The following KCNQ1 variants were observed in gnomAD, a reference collection of about 807,000 sequenced individuals.
KCNQ1 encodes the protein potassium voltage-gated channel subfamily KQT member 1.
Under a neutral mutation model 72.4 loss-of-function variants are expected in KCNQ1, and 49 were observed. The ratio of observed to expected loss-of-function variants is 0.68; its 90% CI spans 0.54 to 0.86. The LOEUF (loss-of-function observed/expected upper bound fraction) is 0.86, where lower values mean the gene tolerates loss of function less well. Ranked by LOEUF, KCNQ1 falls within the 40% of genes least tolerant of loss-of-function variation. The pLI, the probability that KCNQ1 is intolerant of heterozygous loss-of-function variation, is 0.00. For synonymous variants in KCNQ1, 450 were observed against 412.6 expected, an observed-to-expected ratio of 1.09 and a Z score of -1.10; for missense variants, 790 against 945.1, an observed-to-expected ratio of 0.84 and a Z score of 2.15.
At chr11:2,631,624 G>C (rs1849354408) in intron 10 of KCNQ1, 1 of 398,388 alleles carries the variant, frequency 2.5e-6, no homozygotes, top group Admixed American at 4.4e-5. Context: ...TCAGGTGGGT[G>C]CTATGTTTCC....
chr11:2,665,620 G>C (rs753514623), intron 11 of KCNQ1: 1 of 397,300 alleles, frequency 2.5e-6, no homozygotes, highest in Middle Eastern at 6.3e-4. Context: ...TAGGCTGTAC[G>C]GCTGTGTCCT....
chr11:2,461,913 G>A, intron 1 of KCNQ1: 1 of 420,312 alleles, frequency 2.4e-6, no homozygotes. Context: ...GCTGCTTCCA[G>A]CACCCACTGG....
chr11:2,785,013 T>C lies in KCNQ1; in HGVS notation c.1794+6976T>C, dbSNP rs1846886053. Among the ~76,000 whole-genome samples, 1 of 152,028 alleles carries C rather than the reference T, an allele frequency of 6.6e-6. No individual in the cohort carries two copies. Among genetic ancestry groups the C allele is most frequent in the African/African-American group, 2.4e-5 (1 of 41,464 alleles). On this transcript the variant is annotated intron_variant, in intron 15 of 15. Transcript: ENST00000155840. The surrounding 1 kb of genome is among the most constrained non-coding windows in gnomAD (Gnocchi z 4.4). The stretch of plus-strand genomic sequence containing the variant: ...TTCTTTCCAGTCAGATGCCTTTAAT[T>C]TCTTTGTTTTGCCTAATTGCACTGG...
In KCNQ1 at chr11:2,712,336, A is replaced by G. The variant is rs1851020125; in HGVS notation, c.1514+50255A>G. On this transcript the variant is annotated intron_variant, in intron 11 of 15. Coordinates refer to ENST00000155840, the MANE Select transcript of KCNQ1 (RefSeq NM_000218.3). This position sits in a 1 kb window ranked among gnomAD's most constrained non-coding sequence, Gnocchi z 6.4. ...GACTCTAGCTGGGCAGCCTGGCCTC[A>G]GGAGATCATCACAACCCTCGCTGGG... is the stretch of plus-strand genomic sequence containing the variant. Among the ~76,000 whole-genome samples, 1 of 152,042 alleles carries G rather than the reference A, an allele frequency of 6.6e-6. No homozygotes were observed. The highest frequency in any genetic ancestry group is 2.4e-5 in the African/African-American group (1 of 41,404).
chr11:2,579,931 C>A lies in KCNQ1; in HGVS notation c.922-3504C>A, dbSNP rs1233951701. 6.6e-6 allele frequency among the ~76,000 whole-genome samples: 1 copy of A among 152,190 alleles called. No individual in the cohort carries two copies. The highest frequency in any genetic ancestry group is 1.5e-5 in the Non-Finnish European group (1 of 68,026). On this transcript the variant is annotated intron_variant, in intron 6 of 15. Transcript: ENST00000155840. This position sits in a 1 kb window ranked among gnomAD's most constrained non-coding sequence, Gnocchi z 6.0. The stretch of plus-strand genomic sequence containing the variant: ...ACCTCACCTGCTCACCTGACCCCAA[C>A]TCCACTCTGACTTCCAGGCCAGCCC...
In KCNQ1 at chr11:2,828,923, C is replaced by T. The variant is rs1259477853; in HGVS notation, c.1795-18844C>T. 6.6e-6 allele frequency among the ~76,000 whole-genome samples: 1 copy of T among 152,184 alleles called. No homozygotes were observed. The highest frequency in any genetic ancestry group is 2.1e-4 in the South Asian group (1 of 4,830). ...GAGAATAGAAAATCAAAACGGTATC[C>T]AATTTCTTAACAGCAATTCAGAAAG... is the stretch of plus-strand genomic sequence containing the variant. On this transcript the variant is annotated intron_variant, in intron 15 of 15. Coordinates refer to ENST00000155840, the MANE Select transcript of KCNQ1 (RefSeq NM_000218.3). This position sits in a 1 kb window ranked among gnomAD's most constrained non-coding sequence, Gnocchi z 5.3.
intron 1 of KCNQ1, among the ~76,000 whole-genome samples, chr11:2,449,931 T>C (rs937079125): frequency 1.7e-4 from 26 of 152,100 alleles, no homozygotes; most frequent in Admixed American, 1.3e-3. Context: ...GAGCTGGTCC[T>C]GACGCAGGGG....
rs147103360 is a variant in KCNQ1 at position 2,457,451 on chromosome 11, G to A, written c.386+11967G>A. 9.7e-4 allele frequency among the ~76,000 whole-genome samples: 148 copies of A among 152,336 alleles called. No homozygotes were observed. The highest frequency in any genetic ancestry group is 1.7e-3 in the Non-Finnish European group (117 of 68,040). Reference sequence around the variant, plus strand: ...ATACACCATGGAATACTATGCAGACGTGAAAATCATGTCCTTTGCAGCAAC... The same window carrying A: ...ATACACCATGGAATACTATGCAGACATGAAAATCATGTCCTTTGCAGCAAC... On this transcript the variant is annotated intron_variant, in intron 1 of 15. Coordinates refer to ENST00000155840, the MANE Select transcript of KCNQ1 (RefSeq NM_000218.3). The surrounding 1 kb of genome is among the most constrained non-coding windows in gnomAD (Gnocchi z 5.0).
rs1245846570 is a variant in KCNQ1, at chr11:2,793,961, A to T, written c.1794+15924A>T. Among the ~76,000 whole-genome samples, 3 of 152,114 alleles carry T rather than the reference A, an allele frequency of 2.0e-5. No individual in the cohort carries two copies. In the East Asian group the frequency reaches 5.8e-4, roughly 29 times the overall value. ...CAACCAGGAGTGAGTGAGGAGGAGG[A>T]GGGTGACACAGGGTGGAAGAGTGTC... On this transcript the variant is annotated intron_variant, in intron 15 of 15. Coordinates refer to ENST00000155840, the MANE Select transcript of KCNQ1 (RefSeq NM_000218.3).
Position 2,683,287 on chromosome 11 carries a change from T to C in KCNQ1, c.1514+21206T>C. On this transcript the variant is annotated intron_variant, in intron 11 of 15. Transcript: ENST00000155840. The surrounding 1 kb of genome is among the most constrained non-coding windows in gnomAD (Gnocchi z 4.7). ...TCAGCCTGAGTATGGGCAATGGCGT[T>C]TTAGTTTGCAAAACCAGACACATAG... 2.5e-6 allele frequency: 1 copy of C among 398,530 alleles called. No individual in the cohort carries two copies. The highest frequency in any genetic ancestry group is 3.6e-5 in the East Asian group (1 of 28,064). 24.7% of individuals were successfully genotyped at this position (398,530 alleles called of 1,614,324 possible).
Position 2,817,858 on chromosome 11 carries a change from G to A in KCNQ1, c.1795-29909G>A, listed in dbSNP as rs986977563. 6.6e-6 allele frequency among the ~76,000 whole-genome samples: 1 copy of A among 151,974 alleles called. No individual in the cohort carries two copies. The highest frequency in any genetic ancestry group is 1.5e-5 in the Non-Finnish European group (1 of 67,984). ...AGTCACATGTATGTTAGAAACCTCT[G>A]GCACTCTCCCCTCCCCAGCCAGCAC... On this transcript the variant is annotated intron_variant, in intron 15 of 15. Coordinates refer to ENST00000155840, the MANE Select transcript of KCNQ1 (RefSeq NM_000218.3). The surrounding 1 kb of genome is among the most constrained non-coding windows in gnomAD (Gnocchi z 6.1).
In KCNQ1 at chr11:2,544,798, T is replaced by C. The variant is rs1439794015; in HGVS notation, c.477+16780T>C. 6.6e-6 allele frequency among the ~76,000 whole-genome samples: 1 copy of C among 152,194 alleles called. No homozygotes were observed. The highest frequency in any genetic ancestry group is 1.5e-5 in the Non-Finnish European group (1 of 68,040). ...TTTTTTTCAAATGTGGACGCCTATT[T>C]GTTTCTTTTTCTGGCCTGATTGCAC... On this transcript the variant is annotated intron_variant, in intron 2 of 15. Coordinates refer to ENST00000155840, the MANE Select transcript of KCNQ1 (RefSeq NM_000218.3). This position sits in a 1 kb window ranked among gnomAD's most constrained non-coding sequence, Gnocchi z 4.4.
At chr11:2,733,814 A>ACTCTCT (rs1554914246) in intron 11 of KCNQ1, among the ~76,000 whole-genome samples, 1 of 86,652 alleles carries the variant, frequency 1.2e-5, no homozygotes, top group African/African-American at 4.2e-5. Flanking sequence ...ACACACACAC[A>ACTCTCT]CTCTCTCACT....
chr11:2,699,658 A>ACCCCCGGGGAGAACCGCGCCGAAGAC (rs1850752188), intron 11 of KCNQ1: 2 of 338,768 alleles, frequency 5.9e-6, no homozygotes, highest in Non-Finnish European at 1.0e-5. Flanking sequence ...GCGCCGAAGA[A>ACCCCCGGGGAGAACCGCGCCGAAGAC]CCCCCGGGGA....
rs559222927 is a variant in KCNQ1, at chr11:2,583,076, A to G, written c.922-359A>G. 1.9e-3 allele frequency among the ~76,000 whole-genome samples: 291 copies of G among 152,242 alleles called. 1 individual carries two copies. Among genetic ancestry groups the G allele is most frequent in the Non-Finnish European group, 3.1e-3 (209 of 68,008 alleles). On this transcript the variant is annotated intron_variant, in intron 6 of 15. Coordinates refer to ENST00000155840, the MANE Select transcript of KCNQ1 (RefSeq NM_000218.3). ...CCCGGTCTCCTGGGGGCCGGCGCAC[A>G]GCAACGTCGGTGGCCCAGGGGCCCA...
In KCNQ1 at chr11:2,658,217, A is replaced by G; in HGVS notation, c.1394-3744A>G. On this transcript the variant is annotated intron_variant, in intron 10 of 15. Coordinates refer to ENST00000155840, the MANE Select transcript of KCNQ1 (RefSeq NM_000218.3). The surrounding 1 kb of genome is among the most constrained non-coding windows in gnomAD (Gnocchi z 4.9). ...CACTAACTAATTTCAGCATTCATTCATGGATCGTTTTCCTGCAGCAAATAT... is the reference window on the plus strand; with the variant it reads ...CACTAACTAATTTCAGCATTCATTCGTGGATCGTTTTCCTGCAGCAAATAT... The G allele has an allele frequency of 2.5e-6, 1 of 398,580 alleles. No homozygotes were observed. The highest frequency in any genetic ancestry group is 4.4e-6 in the Non-Finnish European group (1 of 226,040). The allele number at this position is 398,580 out of a possible 1,614,324, so 24.7% of individuals were successfully genotyped here.
chr11:2,610,783 T>C, intron 10 of KCNQ1: 1 of 361,906 alleles, frequency 2.8e-6, no homozygotes, highest in South Asian at 1.5e-4. Context: ...CACTACTTTC[T>C]GGGTACCACT....
intron 2 of KCNQ1, among the ~76,000 whole-genome samples, chr11:2,540,363 C>T (rs955269477): frequency 3.3e-5 from 5 of 152,218 alleles, no homozygotes; most frequent in Non-Finnish European, 7.3e-5. Flanking sequence ...GTTGGGGGGA[C>T]AGGGCTCGGT....
At chr11:2,514,663 A>T (rs753754905) in intron 1 of KCNQ1, among the ~76,000 whole-genome samples, 2 of 152,172 alleles carry the variant, frequency 1.3e-5, no homozygotes, top group Non-Finnish European at 2.9e-5. Flanking sequence ...CATCTCTACT[A>T]AAAATACAAA....
Sources: allele counts gnomAD v4.1 joint callset (sites outside exome capture counted in the v4.1 genomes callset), GRCh38; gene constraint gnomAD v4.1.1; non-coding constraint Gnocchi (gnomAD v3.1); transcripts MANE v1.5; gene names NCBI Gene and HGNC (gene_info 2026-07-23, HGNC 2026-07-21).